Variants in PCDHA12 observed in about 807,000 individuals in gnomAD.
The protein encoded by PCDHA12 is protocadherin alpha 12.
Under a neutral mutation model 60.0 loss-of-function variants are expected in PCDHA12, and 44 were observed. That is an observed-to-expected ratio of 0.73 (90% CI 0.58 to 0.94). The LOEUF (loss-of-function observed/expected upper bound fraction) is 0.94. Ranked by LOEUF, PCDHA12 falls within the 40% of genes least tolerant of loss-of-function variation. PCDHA12 has a pLI of 0.00. For missense variants in PCDHA12, 1,276 were observed against 1,239.7 expected, an observed-to-expected ratio of 1.03 and a Z score of -0.44; for synonymous variants, 569 against 553.0, an observed-to-expected ratio of 1.03 and a Z score of -0.40.
chr5:141,004,591 A>G (rs1277305361), intron 3 of PCDHA12, among the ~76,000 whole-genome samples: 3 of 152,222 alleles, frequency 2.0e-5, no homozygotes, highest in Non-Finnish European at 2.9e-5. Context: ...TCTCCAGATG[A>G]CAGTGCTTAG....
Position 140,877,359 on chromosome 5 carries a change from C to T in PCDHA12, c.1887C>T (p.Gly629=). 1.2e-6 allele frequency: 2 copies of T among 1,614,010 alleles called. No homozygotes were observed. The highest frequency in any genetic ancestry group is 1.1e-5 in the South Asian group (1 of 91,082). ...CGTTCCACGTGGGGCTGTACACTGG[C>T]GAGATCAGCACGACACGCATCCTGG... ...HIPFHVGLYT[G]EISTTRILDE... Residue 629 remains glycine (G), a synonymous_variant, in exon 1 of 4, where the codon GGC becomes GGT. Coordinates refer to ENST00000398631, the MANE Select transcript of PCDHA12 (RefSeq NM_018903.4).
At position 141,010,147 on chromosome 5, in the gene PCDHA12, C is replaced by A; in HGVS notation, c.*210C>A. ...AAGTCTGGTGTTAACTCTTTCTCTC[C>A]ACTCTGGCTTGTTTTCAGAACCTAA... On this transcript the variant is annotated 3_prime_UTR_variant, in exon 4 of 4. Coordinates refer to ENST00000398631, the MANE Select transcript of PCDHA12 (RefSeq NM_018903.4). 1 of 1,583,190 alleles carries A rather than the reference C, an allele frequency of 6.3e-7. No individual in the cohort carries two copies. Among genetic ancestry groups the A allele is most frequent in the Non-Finnish European group, 8.6e-7 (1 of 1,163,606 alleles).
Position 140,953,715 on chromosome 5 carries a change from A to T in PCDHA12, c.2368-25234A>T, listed in dbSNP as rs535385036. Among the ~76,000 whole-genome samples the T allele has an allele frequency of 2.6e-5, 4 of 152,312 alleles. No homozygotes were observed. The South Asian group carries it at 6.2e-4, about 24-fold the overall frequency. On this transcript the variant is annotated intron_variant, in intron 1 of 3. Transcript: ENST00000398631. ...TGATCTACTAGACTGAGCTTCAGAC[A>T]TTGTGTTTTGAAATTTTTGCTTAAC...
At chr5:140,894,141 C>G (rs552932940) in intron 1 of PCDHA12, among the ~76,000 whole-genome samples, 169 of 152,150 alleles carry the variant, frequency 1.1e-3, no homozygotes, top group African/African-American at 3.9e-3. Context: ...AAATAATTCC[C>G]TTCTATGTAA....
intron 1 of PCDHA12, among the ~76,000 whole-genome samples, chr5:140,934,942 A>G (rs146210062): frequency 2.5e-3 from 376 of 152,312 alleles, no homozygotes; most frequent in African/African-American, 8.6e-3. Flanking sequence ...AAACTAGTAT[A>G]GAGAGATCCC....
intron 1 of PCDHA12, chr5:140,966,963 G>C: frequency 6.2e-7 from 1 of 1,602,992 alleles, no homozygotes; most frequent in Non-Finnish European, 8.5e-7. Context: ...CGCGCGCTGG[G>C]GCTTGAGCTG....
In PCDHA12 at chr5:140,968,153, A is replaced by G; in HGVS notation, c.2368-10796A>G. 2 of 1,614,142 alleles carry G rather than the reference A, an allele frequency of 1.2e-6. No individual in the cohort carries two copies. The highest frequency in any genetic ancestry group is 8.5e-7 in the Non-Finnish European group (1 of 1,180,046). On this transcript the variant is annotated intron_variant, in intron 1 of 3. Coordinates refer to ENST00000398631, the MANE Select transcript of PCDHA12 (RefSeq NM_018903.4). ...ACTGAAGGTTGAGATCTCTGACATC[A>G]ATGACAATCCACCAAGCTTCCTGGA...
At chr5:141,009,551 C>G (rs551736337) in intron 3 of PCDHA12, 76 bp from the exon 4 acceptor site, 1 of 1,561,992 alleles carries the variant, frequency 6.4e-7, no homozygotes, top group East Asian at 2.2e-5. Flanking sequence ...ATGCAGTACT[C>G]CTGTACTCTA....
At chr5:140,887,072 C>T (rs1270434147) in intron 1 of PCDHA12, among the ~76,000 whole-genome samples, 1 of 151,836 alleles carries the variant, frequency 6.6e-6, no homozygotes, top group African/African-American at 2.4e-5. Context: ...CAAATTCACT[C>T]AGCTTTTGTC....
Position 140,876,494 on chromosome 5 carries a change from T to C in PCDHA12, c.1022T>C (p.Leu341Pro). Residue 341 changes from leucine (L) to proline (P), a missense_variant, in exon 1 of 4, where the codon CTG (leucine) becomes CCG (proline). Leu to Pro is a moderately conservative substitution (Grantham distance 98, BLOSUM62 -3). Transcript: ENST00000398631. Reference protein sequence around the residue: ...AGHSMVLVEVLDVNDNVPEVM... With the variant: ...AGHSMVLVEVPDVNDNVPEVM... The stretch of plus-strand genomic sequence containing the variant: ...CACAGCATGGTCCTGGTGGAAGTTC[T>C]GGACGTGAATGACAATGTCCCTGAA... 2 of 1,614,062 alleles carry C rather than the reference T, an allele frequency of 1.2e-6. No homozygotes were observed. The highest frequency in any genetic ancestry group is 1.3e-5 in the African/African-American group (1 of 75,076).
At chr5:141,000,833 G>A (rs1554257850) in intron 3 of PCDHA12, among the ~76,000 whole-genome samples, 2 of 151,930 alleles carry the variant, frequency 1.3e-5, no homozygotes, top group Non-Finnish European at 2.9e-5. Flanking sequence ...CTTGAGTCCA[G>A]GAGATCCAGT....
chr5:140,902,894 A>G (rs1370660183), intron 1 of PCDHA12, among the ~76,000 whole-genome samples: 1 of 152,170 alleles, frequency 6.6e-6, no homozygotes, highest in Non-Finnish European at 1.5e-5. Flanking sequence ...CTATTATTTT[A>G]TTTAGTTTAT....
At chr5:140,967,944 A>G (rs782135204) in intron 1 of PCDHA12, 4 of 1,613,970 alleles carry the variant, frequency 2.5e-6, no homozygotes. Flanking sequence ...AATGACCAAG[A>G]CTCAGGCCCC....
rs146587864 is a variant in PCDHA12 at position 140,950,030 on chromosome 5, A to G, written c.2368-28919A>G. Among the ~76,000 whole-genome samples the G allele has an allele frequency of 2.6e-4, 39 of 152,064 alleles. 1 individual carries two copies. The East Asian group carries it at 4.8e-3, about 19-fold the overall frequency. On this transcript the variant is annotated intron_variant, in intron 1 of 3. Transcript: ENST00000398631. ...TGTACAACCTTCATAAAATATAGAA[A>G]AGTTACAACCATATAAGACTATTTA...
At chr5:140,992,897 T>G (rs2097532683) in intron 3 of PCDHA12, among the ~76,000 whole-genome samples, 2 of 152,156 alleles carry the variant, frequency 1.3e-5, no homozygotes, top group Admixed American at 1.3e-4. Flanking sequence ...GCTGGATATC[T>G]CCAAAGCTTA....
chr5:140,995,883 A>C (rs892876266), intron 3 of PCDHA12, among the ~76,000 whole-genome samples: 2 of 152,232 alleles, frequency 1.3e-5, no homozygotes, highest in Admixed American at 6.5e-5. Flanking sequence ...CCTGTGCTTC[A>C]GATTTATCAA....
At chr5:140,956,314 G>C (rs1262942129) in intron 1 of PCDHA12, among the ~76,000 whole-genome samples, 2 of 152,036 alleles carry the variant, frequency 1.3e-5, no homozygotes, top group Admixed American at 6.6e-5. Context: ...ATTATTTTGA[G>C]ATATGTTCCT....
At chr5:140,968,017 C>T (rs782195997) in intron 1 of PCDHA12, 2 of 1,614,216 alleles carry the variant, frequency 1.2e-6, no homozygotes, top group East Asian at 2.2e-5. Context: ...GCTTTGGAAA[C>T]TCCTATACAC....
rs558801074 is a variant in PCDHA12 at position 140,931,826 on chromosome 5, G to A, written c.2368-47123G>A. On this transcript the variant is annotated intron_variant, in intron 1 of 3. Transcript: ENST00000398631. ...TCTTTAGAAAAGAATTCTTGTCATA[G>A]TATCCTGAATGCCTTAATAACAACA... Among the ~76,000 whole-genome samples, 28 of 151,962 alleles carry A rather than the reference G, an allele frequency of 1.8e-4. No homozygotes were observed. In the South Asian group the frequency reaches 5.4e-3, roughly 29 times the overall value.
Sources: allele counts gnomAD v4.1 joint callset (sites outside exome capture counted in the v4.1 genomes callset), GRCh38; gene constraint gnomAD v4.1.1; transcripts MANE v1.5; gene names NCBI Gene and HGNC (gene_info 2026-07-23, HGNC 2026-07-21).